LRRC4C: variants seen among roughly 807,000 people sequenced by gnomAD.
LRRC4C encodes the protein leucine-rich repeat-containing protein 4C.
Under a neutral mutation model 33.6 loss-of-function variants are expected in LRRC4C, and 5 were observed. That is an observed-to-expected ratio of 0.15 (90% CI 0.08 to 0.31). The LOEUF is 0.31. LRRC4C is among the 10% of genes least tolerant of loss of function. The pLI is 1.00. For missense variants in LRRC4C, 560 were observed against 796.7 expected (o/e 0.70, Z 3.58); for synonymous variants, 329 against 302.0 (o/e 1.09, Z -0.93).
At chr11:40,349,192 A>G (rs1271827888) in intron 3 of LRRC4C, among the ~76,000 whole-genome samples, 1 of 152,114 alleles carries the variant, frequency 6.6e-6, no homozygotes, top group African/African-American at 2.4e-5. Flanking sequence ...TAATCCATTA[A>G]TCATCCCCAC....
chr11:40,943,402 A>G (rs2136619956), intron 1 of LRRC4C, among the ~76,000 whole-genome samples: 1 of 152,272 alleles, frequency 6.6e-6, no homozygotes, highest in Admixed American at 6.5e-5. Context: ...ACTATTCTCC[A>G]TTACCTTCGA....
chr11:41,375,191 A>G (rs887154501), intron 1 of LRRC4C, among the ~76,000 whole-genome samples: 2 of 152,144 alleles, frequency 1.3e-5, no homozygotes, highest in Admixed American at 6.6e-5. Context: ...AAAGATCAAA[A>G]ACTGTTAAAT....
chr11:40,834,537 G>T (rs1271589181), intron 2 of LRRC4C, among the ~76,000 whole-genome samples: 1 of 151,734 alleles, frequency 6.6e-6, no homozygotes, highest in African/African-American at 2.4e-5. Flanking sequence ...TTCTAGTAGT[G>T]GGGAAAAAAG....
intron 1 of LRRC4C, among the ~76,000 whole-genome samples, chr11:41,390,065 G>C (rs1371304273): frequency 1.3e-5 from 2 of 151,822 alleles, no homozygotes; most frequent in Non-Finnish European, 2.9e-5. Flanking sequence ...TCCAGAACTT[G>C]CATTTTAAAA....
chr11:41,016,365 G>GA (rs1176382796), intron 1 of LRRC4C, among the ~76,000 whole-genome samples: 4 of 151,912 alleles, frequency 2.6e-5, no homozygotes, highest in African/African-American at 7.3e-5. Flanking sequence ...CTATGAGAAT[G>GA]AAAAAAACAA....
At chr11:41,018,984 T>A (rs2137640642) in intron 1 of LRRC4C, among the ~76,000 whole-genome samples, 1 of 152,314 alleles carries the variant, frequency 6.6e-6, no homozygotes, top group Admixed American at 6.5e-5. Flanking sequence ...ATAGAATATT[T>A]ACTTCCATCC....
At chr11:40,843,973 T>G (rs1427263288) in intron 2 of LRRC4C, among the ~76,000 whole-genome samples, 1 of 152,162 alleles carries the variant, frequency 6.6e-6, no homozygotes, top group Non-Finnish European at 1.5e-5. Flanking sequence ...TGGAGCCATA[T>G]TTTTTGGAAC....
intron 2 of LRRC4C, among the ~76,000 whole-genome samples, chr11:40,708,423 C>A (rs1022331094): frequency 3.9e-5 from 6 of 152,156 alleles, no homozygotes; most frequent in Non-Finnish European, 5.9e-5. Flanking sequence ...TCTTTGTTCT[C>A]ATTGGTTTCA....
intron 1 of LRRC4C, among the ~76,000 whole-genome samples, chr11:41,340,936 T>C (rs1279722773): frequency 2.6e-5 from 4 of 152,196 alleles, no homozygotes; most frequent in African/African-American, 9.6e-5. Context: ...AGAAAGGCAA[T>C]CTAGTAACTT....
At chr11:40,654,823 C>T (rs536477352) in intron 2 of LRRC4C, among the ~76,000 whole-genome samples, 8 of 152,084 alleles carry the variant, frequency 5.3e-5, no homozygotes, top group African/African-American at 1.9e-4. Context: ...CCCATAATAC[C>T]CACGTGTCAA....
At chr11:40,166,372 T>G (rs2135396562) in intron 5 of LRRC4C, among the ~76,000 whole-genome samples, 1 of 152,274 alleles carries the variant, frequency 6.6e-6, no homozygotes, top group Non-Finnish European at 1.5e-5. Context: ...ATATAATTTA[T>G]ATATAGTATA....
At chr11:41,193,527 T>C (rs909534514) in intron 1 of LRRC4C, among the ~76,000 whole-genome samples, 2 of 152,298 alleles carry the variant, frequency 1.3e-5, no homozygotes, top group African/African-American at 4.8e-5. Flanking sequence ...ATATTCTTGT[T>C]GGAGAAACTG....
chr11:40,124,168 C>T (rs1461421844), intron 6 of LRRC4C, among the ~76,000 whole-genome samples: 1 of 152,080 alleles, frequency 6.6e-6, no homozygotes, highest in South Asian at 2.1e-4. Context: ...AAAACAGTAA[C>T]AAATGCTGGT....
chr11:41,336,457 C>G (rs1016576111), intron 1 of LRRC4C, among the ~76,000 whole-genome samples: 1 of 151,090 alleles, frequency 6.6e-6, no homozygotes, highest in Non-Finnish European at 1.5e-5. Flanking sequence ...AAAAAAATAT[C>G]GGGGGCCATA....
At chr11:40,483,459 A>T (rs1274973656) in intron 3 of LRRC4C, among the ~76,000 whole-genome samples, 1 of 152,160 alleles carries the variant, frequency 6.6e-6, no homozygotes, top group Non-Finnish European at 1.5e-5. Context: ...GCCGTGGTTT[A>T]AATAACACAA....
intron 3 of LRRC4C, among the ~76,000 whole-genome samples, chr11:40,348,752 T>A (rs1001960793): frequency 1.3e-5 from 2 of 152,128 alleles, no homozygotes; most frequent in African/African-American, 2.4e-5. Context: ...ATAATAATTT[T>A]AAAAATATAG....
intron 1 of LRRC4C, among the ~76,000 whole-genome samples, chr11:41,343,251 T>C (rs1029659922): frequency 5.9e-5 from 9 of 152,212 alleles, no homozygotes; most frequent in African/African-American, 2.2e-4. Context: ...CAAATGTAGA[T>C]GCATATTTGC....
At chr11:40,161,485 C>T (rs1859149895) in intron 5 of LRRC4C, among the ~76,000 whole-genome samples, 1 of 152,148 alleles carries the variant, frequency 6.6e-6, no homozygotes, top group South Asian at 2.1e-4. Flanking sequence ...CGGGCACGGT[C>T]GCTCATGCCT....
At chr11:40,348,573 A>G (rs1266700935) in intron 3 of LRRC4C, among the ~76,000 whole-genome samples, 4 of 152,054 alleles carry the variant, frequency 2.6e-5, no homozygotes, top group Non-Finnish European at 5.9e-5. Context: ...CGCTTGTAGT[A>G]GTTATGGGGA....
Sources: allele counts gnomAD v4.1 joint callset (sites outside exome capture counted in the v4.1 genomes callset), GRCh38; gene constraint gnomAD v4.1.1; transcripts MANE v1.5; gene names NCBI Gene and HGNC (gene_info 2026-07-23, HGNC 2026-07-21).